Variants in CPSF2 observed in about 807,000 individuals in gnomAD.
CPSF2 encodes the protein cleavage and polyadenylation specific factor 2, also known as cleavage and polyadenylation specificity factor subunit 2.
In CPSF2, 51 loss-of-function variants were observed where a neutral mutation model predicts 84.2. That is an observed-to-expected ratio of 0.61 (90% CI 0.48 to 0.77). The LOEUF (loss-of-function observed/expected upper bound fraction) is 0.77. CPSF2 is among the 30% of genes least tolerant of loss of function. CPSF2 has a pLI of 0.00. For synonymous variants in CPSF2, 286 were observed against 311.9 expected (o/e 0.92, Z 0.87); for missense variants, 641 against 929.4 (o/e 0.69, Z 4.03).
intron 14 of CPSF2, among the ~76,000 whole-genome samples, chr14:92,160,886 G>T (rs1011164246): frequency 2.6e-5 from 4 of 152,264 alleles, no homozygotes; most frequent in Non-Finnish European, 5.9e-5. Flanking sequence ...AAAACTGATT[G>T]TGAAACAGAA....
intron 9 of CPSF2, among the ~76,000 whole-genome samples, chr14:92,149,337 T>G (rs2069182291): frequency 6.6e-6 from 1 of 152,150 alleles, no homozygotes; most frequent in Admixed American, 6.5e-5. Flanking sequence ...TTCCTAACAC[T>G]TTGCGAGGCT....
At position 92,157,604 on chromosome 14, in the gene CPSF2, A is replaced by AT. The variant is rs528763437; in HGVS notation, c.1596-46dup. The AT allele has an allele frequency of 1.7e-3, 2,213 of 1,313,038 alleles. 2 individuals carry two copies. The highest frequency in any genetic ancestry group is 2.1e-3 in the Admixed American group (104 of 48,732). 81.3% of individuals were successfully genotyped at this position (1,313,038 alleles called of 1,614,324 possible). ...ATATATTGTATACATGATAAAAGCC[A>AT]TTTTTTTTTAGAATTATGAGAAAAG... On this transcript the variant is annotated intron_variant, in intron 12 of 15. Transcript: ENST00000298875. This position sits in a 1 kb window ranked among gnomAD's most constrained non-coding sequence, Gnocchi z 4.0.
intron 9 of CPSF2, among the ~76,000 whole-genome samples, chr14:92,148,484 G>A (rs980971987): frequency 2.0e-5 from 3 of 151,980 alleles, no homozygotes; most frequent in African/African-American, 2.4e-5. Flanking sequence ...ACCTTTTACC[G>A]ATGACCACAA....
rs2068953229 is a variant in CPSF2, at chr14:92,133,031, A to G, written c.150-980A>G. 2.0e-5 allele frequency among the ~76,000 whole-genome samples: 3 copies of G among 151,592 alleles called. No individual in the cohort carries two copies. The South Asian group carries it at 6.3e-4, about 32-fold the overall frequency. The stretch of plus-strand genomic sequence containing the variant: ...GCTTGAACCGGGCGGTGGAGGTCGC[A>G]GTGAGCCGAGGTTGCGCCAGTGCAC... On this transcript the variant is annotated intron_variant, in intron 3 of 15. Transcript: ENST00000298875.
chr14:92,142,239 T>G lies in CPSF2; in HGVS notation c.737T>G (p.Leu246Arg), dbSNP rs2069088039. The change falls in exon 8 of 16, where the codon CTT becomes CGT. Residue 246 changes from leucine to arginine, a missense_variant. By Grantham distance (102) the Leu-to-Arg change is moderately radical (BLOSUM62 -2). Transcript: ENST00000298875. ...AVDTAGRVLE[L>R]AQLLDQIWRT... ...GACACAGCAGGCAGAGTTTTGGAAC[T>G]TGCTCAACTTCTTGATCAGATTTGG... 1 of 1,613,992 alleles carries G rather than the reference T, an allele frequency of 6.2e-7. No individual in the cohort carries two copies. Among genetic ancestry groups the G allele is most frequent in the Admixed American group, 1.7e-5 (1 of 59,996 alleles).
chr14:92,156,708 T>C, intron 12 of CPSF2, 77 bp downstream of exon 12: 1 of 1,064,966 alleles, frequency 9.4e-7, no homozygotes, highest in South Asian at 2.1e-5. Flanking sequence ...ATTTACATTA[T>C]GTCAAGCAAA....
At position 92,164,314 on chromosome 14, in the gene CPSF2, G is replaced by A. The variant is rs140042309; in HGVS notation, c.*2570G>A. The A allele has an allele frequency of 4.6e-5, 7 of 152,284 alleles. No individual in the cohort carries two copies. The highest frequency in any genetic ancestry group is 1.7e-4 in the African/African-American group (7 of 41,542). The allele number at this position is 152,284 out of a possible 1,614,324, so 9.4% of individuals were successfully genotyped here. A position where few individuals can be genotyped will look rare whatever the true frequency, so the allele number is the denominator to read the frequency against. Reference sequence around the variant, plus strand: ...CTATGAACAGGAATTAAATTTTAAAGTATTGCCTTAAGATGGCTGTGCTAA... The same window carrying A: ...CTATGAACAGGAATTAAATTTTAAAATATTGCCTTAAGATGGCTGTGCTAA... On this transcript the variant is annotated 3_prime_UTR_variant, in exon 16 of 16. Coordinates refer to ENST00000298875, the MANE Select transcript of CPSF2 (RefSeq NM_017437.3).
At chr14:92,137,273 A>G (rs2069012869) in intron 6 of CPSF2, among the ~76,000 whole-genome samples, 1 of 152,168 alleles carries the variant, frequency 6.6e-6, no homozygotes, top group African/African-American at 2.4e-5. Context: ...CTGGAGGCAC[A>G]ATCACGGCTC....
At chr14:92,125,389 C>A (rs1346452476) in intron 1 of CPSF2, among the ~76,000 whole-genome samples, 1 of 152,094 alleles carries the variant, frequency 6.6e-6, no homozygotes. Context: ...TGTCGCAGAG[C>A]TATAAAATAC....
At chr14:92,146,917 C>T (rs1232972145) in intron 9 of CPSF2, among the ~76,000 whole-genome samples, 2 of 152,208 alleles carry the variant, frequency 1.3e-5, no homozygotes, top group African/African-American at 4.8e-5. Context: ...TGGCTTTGCG[C>T]ATGGCTGGCT....
intron 2 of CPSF2, among the ~76,000 whole-genome samples, chr14:92,130,695 A>T (rs2068911945): frequency 6.6e-6 from 1 of 152,104 alleles, no homozygotes; most frequent in African/African-American, 2.4e-5. Context: ...TCACTACCCC[A>T]CTAGGGAGCC....
intron 7 of CPSF2, among the ~76,000 whole-genome samples, chr14:92,141,847 T>C (rs2069082391): frequency 1.3e-5 from 2 of 152,210 alleles, no homozygotes; most frequent in South Asian, 4.1e-4. Context: ...TTTGGCCTGG[T>C]CATACAATTT....
At chr14:92,151,283 C>T (rs1484842066) in intron 9 of CPSF2, among the ~76,000 whole-genome samples, 1 of 151,948 alleles carries the variant, frequency 6.6e-6, no homozygotes, top group Non-Finnish European at 1.5e-5. Flanking sequence ...CGCAGCTATT[C>T]AGGAGGCTGG....
At chr14:92,147,704 T>A (rs1250967980) in intron 9 of CPSF2, among the ~76,000 whole-genome samples, 1 of 152,126 alleles carries the variant, frequency 6.6e-6, no homozygotes, top group Non-Finnish European at 1.5e-5. Context: ...TATAAACATG[T>A]ATTTATTTGT....
rs899408855 is a variant in CPSF2, at chr14:92,161,515, A to C, written c.2257-137A>C. ...ATGTAAAATTCATGACTTCAATATT[A>C]TATCCATATGCTGTGAATCAGAGCA... is the stretch of plus-strand genomic sequence containing the variant. On this transcript the variant is annotated intron_variant, in intron 15 of 15. Coordinates refer to ENST00000298875, the MANE Select transcript of CPSF2 (RefSeq NM_017437.3). 10 of 608,350 alleles carry C rather than the reference A, an allele frequency of 1.6e-5. No homozygotes were observed. The African/African-American group carries it at 1.7e-4, about 11-fold the overall frequency. 37.7% of individuals were successfully genotyped at this position (608,350 alleles called of 1,614,324 possible). A position where few individuals can be genotyped will look rare whatever the true frequency, so the allele number is the denominator to read the frequency against.
Position 92,161,726 on chromosome 14 carries a change from A to G in CPSF2, c.2331A>G (p.Glu777=). 1 of 1,579,686 alleles carries G rather than the reference A, an allele frequency of 6.3e-7. No individual in the cohort carries two copies. Among genetic ancestry groups the G allele is most frequent in the Non-Finnish European group, 8.6e-7 (1 of 1,162,002 alleles). Residue 777 remains glutamate (E), a synonymous_variant, in exon 16 of 16, where the codon GAA becomes GAG. Transcript: ENST00000298875. Reference sequence around the variant, plus strand: ...ATAGGATAAGAGACCTTTTATATGAACAATATGCCATTGTATAAAGGACAT... The same window carrying G: ...ATAGGATAAGAGACCTTTTATATGAGCAATATGCCATTGTATAAAGGACAT... ...DFYRIRDLLY[E]QYAIV
chr14:92,165,990 T>C lies in CPSF2; in HGVS notation c.*4246T>C, dbSNP rs1379137691. The C allele has an allele frequency of 1.3e-5, 2 of 150,976 alleles. No individual in the cohort carries two copies. The highest frequency in any genetic ancestry group is 2.9e-5 in the Non-Finnish European group (2 of 67,930). The allele number at this position is 150,976 out of a possible 1,614,324, so 9.4% of individuals were successfully genotyped here. A position where few individuals can be genotyped will look rare whatever the true frequency, so the allele number is the denominator to read the frequency against. ...GATTCTCCTGCCTCAGCCTCCTGAGTACTGGGATTACAGGCACCCACCACC... is the reference window on the plus strand; with the variant it reads ...GATTCTCCTGCCTCAGCCTCCTGAGCACTGGGATTACAGGCACCCACCACC... On this transcript the variant is annotated 3_prime_UTR_variant, in exon 16 of 16. Coordinates refer to ENST00000298875, the MANE Select transcript of CPSF2 (RefSeq NM_017437.3).
At chr14:92,155,841 A>C (rs1221899556) in intron 11 of CPSF2, among the ~76,000 whole-genome samples, 1 of 152,152 alleles carries the variant, frequency 6.6e-6, no homozygotes, top group Non-Finnish European at 1.5e-5. Flanking sequence ...GTATTATACA[A>C]GTTTTATGAG....
chr14:92,156,779 T>C, intron 12 of CPSF2, 148 bp downstream of exon 12: 1 of 525,196 alleles, frequency 1.9e-6, no homozygotes, highest in Non-Finnish European at 3.2e-6. Flanking sequence ...TGAAGAGACT[T>C]GTGAAGTATG....
Sources: gnomAD v4.1 joint callset for allele counts (sites outside exome capture counted in the v4.1 genomes callset) on GRCh38, gnomAD v4.1.1 for gene constraint, Gnocchi (gnomAD v3.1) non-coding constraint, MANE v1.5 for transcripts, NCBI Gene and HGNC (gene_info 2026-07-23, HGNC 2026-07-21) for gene names.